Variants in CD47 observed in about 807,000 individuals in gnomAD.
CD47 encodes leukocyte surface antigen CD47.
In CD47, 11 loss-of-function variants were observed where a neutral mutation model predicts 44.6. The ratio of observed to expected loss-of-function variants is 0.25; its 90% confidence interval spans 0.16 to 0.41. The LOEUF (loss-of-function observed/expected upper bound fraction) is 0.41. CD47 is among the 10% of genes least tolerant of loss of function. The pLI is 1.00. For synonymous variants in CD47, 140 were observed against 136.3 expected, an observed-to-expected ratio of 1.03 and a Z score of -0.19; for missense variants, 306 against 386.7, an observed-to-expected ratio of 0.79 and a Z score of 1.75.
chr3:108,077,833 T>C (rs1342950801), intron 2 of CD47, among the ~76,000 whole-genome samples: 1 of 152,128 alleles, frequency 6.6e-6, no homozygotes, highest in Non-Finnish European at 1.5e-5. Context: ...ATTCCATTTA[T>C]ATAGCATTGT....
rs575860170 is a variant in CD47 at position 108,083,123 on chromosome 3, A to G, written c.47-2779T>C. ...TAACATGAATAAGAAAACTCTGAATAAACAAGATATGCTTATAGCAGTCTA... is the reference window on the plus strand; with the variant it reads ...TAACATGAATAAGAAAACTCTGAATGAACAAGATATGCTTATAGCAGTCTA... On this transcript the variant is annotated intron_variant, in intron 1 of 10. Transcript: ENST00000361309. 2.0e-5 allele frequency among the ~76,000 whole-genome samples: 3 copies of G among 152,216 alleles called. No individual in the cohort carries two copies. The South Asian group carries it at 6.2e-4, about 32-fold the overall frequency.
At chr3:108,048,812 T>A (rs371558056) in intron 10 of CD47, among the ~76,000 whole-genome samples, 28 of 152,280 alleles carry the variant, frequency 1.8e-4, no homozygotes, top group East Asian at 1.5e-3. Flanking sequence ...CAGTAAAATA[T>A]AAAGCAAACT....
At chr3:108,065,045 T>G (rs2079079358) in intron 3 of CD47, among the ~76,000 whole-genome samples, 1 of 151,988 alleles carries the variant, frequency 6.6e-6, no homozygotes, top group Admixed American at 6.6e-5. Context: ...TGGAAAAAAA[T>G]GAACATTAAT....
chr3:108,055,321 G>A (rs2078895116), intron 7 of CD47, among the ~76,000 whole-genome samples: 1 of 152,078 alleles, frequency 6.6e-6, no homozygotes, highest in Non-Finnish European at 1.5e-5. Flanking sequence ...ACAATCATTA[G>A]GCTTTTCTAA....
chr3:108,049,372 T>C (rs1414311133), intron 10 of CD47, among the ~76,000 whole-genome samples: 1 of 152,158 alleles, frequency 6.6e-6, no homozygotes, highest in Non-Finnish European at 1.5e-5. Context: ...TTACAAAAAG[T>C]GGTAATTTCT....
chr3:108,073,706 C>A (rs558680677), intron 2 of CD47, among the ~76,000 whole-genome samples: 2 of 152,150 alleles, frequency 1.3e-5, no homozygotes, highest in Non-Finnish European at 2.9e-5. Context: ...CAATGACAAG[C>A]GGCTGGAAGG....
chr3:108,050,744 C>T (rs1413794067), intron 8 of CD47, 142 bp from the exon 9 acceptor site: 8 of 473,676 alleles, frequency 1.7e-5, no homozygotes, highest in Admixed American at 7.6e-5. Flanking sequence ...AACAAAACAA[C>T]GAAATAAGCC....
intron 3 of CD47, among the ~76,000 whole-genome samples, chr3:108,066,764 C>A (rs765091): frequency 6.6e-6 from 1 of 151,894 alleles, no homozygotes. Flanking sequence ...GCTGATTGTG[C>A]GAATGTCGAC....
At chr3:108,086,295 G>A (rs2079519932) in intron 1 of CD47, among the ~76,000 whole-genome samples, 1 of 151,894 alleles carries the variant, frequency 6.6e-6, no homozygotes. Context: ...GAAGGACTGA[G>A]GGCAGCAAGG....
At chr3:108,079,624 A>G (rs568820868) in intron 2 of CD47, among the ~76,000 whole-genome samples, 18 of 150,302 alleles carry the variant, frequency 1.2e-4, no homozygotes, top group Admixed American at 4.7e-4. Context: ...GAATAATTGG[A>G]AAGAGACTTG....
Position 108,082,104 on chromosome 3 carries a change from T to C in CD47, c.47-1760A>G, listed in dbSNP as rs535103723. The stretch of plus-strand genomic sequence containing the variant: ...TAAAGGGGTGAAGATGTTCAAATTA[T>C]AAAGGAAGGAAAGTATCAGAAAATA... On this transcript the variant is annotated intron_variant, in intron 1 of 10. Coordinates refer to ENST00000361309, the MANE Select transcript of CD47 (RefSeq NM_001777.4). Among the ~76,000 whole-genome samples the C allele has an allele frequency of 2.6e-4, 39 of 152,018 alleles. No individual in the cohort carries two copies. The South Asian group carries it at 7.9e-3, about 31-fold the overall frequency.
At chr3:108,074,877 T>C (rs1002386645) in intron 2 of CD47, among the ~76,000 whole-genome samples, 11 of 152,210 alleles carry the variant, frequency 7.2e-5, no homozygotes, top group African/African-American at 2.6e-4. Context: ...ATTAGATATT[T>C]AAGAACCAAC....
At chr3:108,078,535 A>T (rs7639435) in intron 2 of CD47, among the ~76,000 whole-genome samples, 1 of 151,534 alleles carries the variant, frequency 6.6e-6, no homozygotes, top group Admixed American at 6.6e-5. Flanking sequence ...AAAAATTTCA[A>T]CTAGGTATTA....
At chr3:108,062,943 C>A (rs1337917314) in intron 3 of CD47, among the ~76,000 whole-genome samples, 1 of 151,850 alleles carries the variant, frequency 6.6e-6, no homozygotes, top group Non-Finnish European at 1.5e-5. Flanking sequence ...TGTGAGCCAC[C>A]ATGCCTGGTG....
At chr3:108,083,869 C>G (rs1226883494) in intron 1 of CD47, among the ~76,000 whole-genome samples, 1 of 151,110 alleles carries the variant, frequency 6.6e-6, no homozygotes, top group South Asian at 2.1e-4. Context: ...TCCCTATAAA[C>G]CTACCTGTAA....
In CD47 at chr3:108,090,926, G is replaced by A. The variant is rs1318984376; in HGVS notation, c.-18C>T. 6.8e-7 allele frequency: 1 copy of A among 1,465,290 alleles called. No homozygotes were observed. The highest frequency in any genetic ancestry group is 9.0e-7 in the Non-Finnish European group (1 of 1,111,434). 90.8% of individuals were successfully genotyped at this position (1,465,290 alleles called of 1,614,324 possible). ...GGCCACATCTCCGCGCCCGCCGCGG[G>A]GTCGCCGCCGCCGCCGCAGGTGTCC... On this transcript the variant is annotated 5_prime_UTR_variant, in exon 1 of 11. Coordinates refer to ENST00000361309, the MANE Select transcript of CD47 (RefSeq NM_001777.4).
chr3:108,059,598 C>T, intron 4 of CD47, 54 bp from the exon 5 acceptor site: 1 of 894,298 alleles, frequency 1.1e-6, no homozygotes. Context: ...TTTAAATGTA[C>T]TAATCTAAAT....
At chr3:108,055,976 C>A (rs147751586) in intron 7 of CD47, among the ~76,000 whole-genome samples, 4 of 152,124 alleles carry the variant, frequency 2.6e-5, no homozygotes, top group African/African-American at 9.7e-5. Context: ...GGGAGGACAA[C>A]CCAGATAGTG....
At chr3:108,072,006 T>C (rs1044626675) in intron 2 of CD47, among the ~76,000 whole-genome samples, 1 of 152,210 alleles carries the variant, frequency 6.6e-6, no homozygotes, top group Non-Finnish European at 1.5e-5. Flanking sequence ...GTTACTTTTA[T>C]CATAAAAATA....
Sources: allele counts gnomAD v4.1 joint callset (sites outside exome capture counted in the v4.1 genomes callset), GRCh38; gene constraint gnomAD v4.1.1; transcripts MANE v1.5; gene names NCBI Gene and HGNC (gene_info 2026-07-23, HGNC 2026-07-21).